HNRNPLL: variants seen among roughly 807,000 people sequenced by gnomAD.
The protein encoded by HNRNPLL is heterogeneous nuclear ribonucleoprotein L like, also known as heterogeneous nuclear ribonucleoprotein L-like.
A neutral mutation model predicts 67.1 loss-of-function variants in HNRNPLL; 25 were observed. The ratio of observed to expected loss-of-function variants is 0.37; its 90% CI spans 0.27 to 0.52. The LOEUF is 0.52. HNRNPLL is among the 20% of genes least tolerant of loss of function. HNRNPLL has a pLI of 0.90. For missense variants in HNRNPLL, 542 were observed against 673.9 expected (o/e 0.80, Z 2.17); for synonymous variants, 267 against 241.7 (o/e 1.10, Z -0.97).
chr2:38,595,406 C>T (rs1324432924), intron 1 of HNRNPLL, among the ~76,000 whole-genome samples: 1 of 150,924 alleles, frequency 6.6e-6, no homozygotes, highest in East Asian at 2.0e-4. Context: ...AAAAATATAA[C>T]TATTTTTCAA....
chr2:38,578,767 A>C (rs1369686052), intron 6 of HNRNPLL, among the ~76,000 whole-genome samples: 1 of 152,102 alleles, frequency 6.6e-6, no homozygotes, highest in Non-Finnish European at 1.5e-5. Flanking sequence ...ATGAATTTTT[A>C]TATTGTATAG....
At chr2:38,574,820 G>A (rs1403234643) in intron 7 of HNRNPLL, among the ~76,000 whole-genome samples, 3 of 151,780 alleles carry the variant, frequency 2.0e-5, no homozygotes, top group African/African-American at 7.2e-5. Flanking sequence ...CCATATGAGC[G>A]ACTGTTTAGT....
At position 38,562,814 on chromosome 2, in the gene HNRNPLL, T is replaced by C. The variant is rs931017728; in HGVS notation, c.*1368A>G. 1.3e-5 allele frequency: 2 copies of C among 152,152 alleles called. No individual in the cohort carries two copies. Among genetic ancestry groups the C allele is most frequent in the African/African-American group, 4.8e-5 (2 of 41,474 alleles). 9.4% of individuals were successfully genotyped at this position (152,152 alleles called of 1,614,324 possible). The stretch of plus-strand genomic sequence containing the variant: ...TGTTAATGTGTGTTTAGTTTCCATC[T>C]AAACTTCCTATTAAACAGCTCTAAA... On this transcript the variant is annotated 3_prime_UTR_variant, in exon 13 of 13. Transcript: ENST00000449105.
Position 38,588,869 on chromosome 2 carries a change from C to T in HNRNPLL, c.308+2661G>A, listed in dbSNP as rs553788529. ...AAAATAAAGAAAAAAGGTATTAATA[C>T]GAGAAACAGTGGGAGATCACAGAGA... is the stretch of plus-strand genomic sequence containing the variant. On this transcript the variant is annotated intron_variant, in intron 2 of 12. Transcript: ENST00000449105. Among the ~76,000 whole-genome samples, 7 of 151,916 alleles carry T rather than the reference C, an allele frequency of 4.6e-5. No individual in the cohort carries two copies. The South Asian group carries it at 1.2e-3, about 27-fold the overall frequency.
intron 1 of HNRNPLL, among the ~76,000 whole-genome samples, chr2:38,599,705 CTAAGT>C (rs1214504604): frequency 1.3e-5 from 2 of 152,188 alleles, no homozygotes; most frequent in Non-Finnish European, 2.9e-5. Flanking sequence ...CCATTCATTT[CTAAGT>C]TAAGAGCCTT....
chr2:38,577,624 T>C (rs764678463), intron 6 of HNRNPLL, 92 bp from the exon 7 acceptor site: 2 of 761,406 alleles, frequency 2.6e-6, no homozygotes, highest in Non-Finnish European at 4.7e-6. Flanking sequence ...AAACATCCAA[T>C]ACAACAATTC....
Position 38,602,796 on chromosome 2 carries a change from C to G in HNRNPLL, c.-170G>C, listed in dbSNP as rs1219244135. On this transcript the variant is annotated 5_prime_UTR_variant, in exon 1 of 13. Coordinates refer to ENST00000449105, the MANE Select transcript of HNRNPLL (RefSeq NM_138394.4). Reference sequence around the variant, plus strand: ...CCAGGAGACTGGCGGCTGAGAAGCGCGGACGGACTGAGGGGGGCGCCCCGG... The same window carrying G: ...CCAGGAGACTGGCGGCTGAGAAGCGGGGACGGACTGAGGGGGGCGCCCCGG... 1 of 1,538,520 alleles carries G rather than the reference C, an allele frequency of 6.5e-7. No homozygotes were observed. Among genetic ancestry groups the G allele is most frequent in the African/African-American group, 1.4e-5 (1 of 71,142 alleles).
intron 4 of HNRNPLL, among the ~76,000 whole-genome samples, chr2:38,582,571 A>G (rs1666573449): frequency 6.6e-6 from 1 of 152,072 alleles, no homozygotes; most frequent in Non-Finnish European, 1.5e-5. Flanking sequence ...CGGCCTCCCA[A>G]AGTGCTGGGA....
chr2:38,563,202 G>T lies in HNRNPLL; in HGVS notation c.*980C>A, dbSNP rs1665726147. 1 of 151,796 alleles carries T rather than the reference G, an allele frequency of 6.6e-6. No homozygotes were observed. Among genetic ancestry groups the T allele is most frequent in the African/African-American group, 2.4e-5 (1 of 41,386 alleles). 9.4% of individuals were successfully genotyped at this position (151,796 alleles called of 1,614,324 possible). A position where few individuals can be genotyped will look rare whatever the true frequency, so the allele number is the denominator to read the frequency against. The stretch of plus-strand genomic sequence containing the variant: ...AAACAGATCCAGTGGGAGAAAGAAT[G>T]TTTAATAAATGGTATTGAGACAAAT... On this transcript the variant is annotated 3_prime_UTR_variant, in exon 13 of 13. Coordinates refer to ENST00000449105, the MANE Select transcript of HNRNPLL (RefSeq NM_138394.4).
At chr2:38,583,984 T>C in intron 3 of HNRNPLL, 58 bp from the exon 4 acceptor site, 2 of 698,856 alleles carry the variant, frequency 2.9e-6, no homozygotes, top group South Asian at 4.4e-5. Context: ...ACATTAAAGC[T>C]ATACTTCGTT....
At chr2:38,588,283 C>T (rs768815170) in intron 2 of HNRNPLL, among the ~76,000 whole-genome samples, 2 of 152,150 alleles carry the variant, frequency 1.3e-5, no homozygotes, top group Admixed American at 6.6e-5. Context: ...GGCACGGTGG[C>T]TCATGCCTGT....
intron 1 of HNRNPLL, among the ~76,000 whole-genome samples, chr2:38,596,954 A>G (rs1192246920): frequency 1.3e-5 from 2 of 152,256 alleles, no homozygotes; most frequent in African/African-American, 4.8e-5. Context: ...GCTCTAGACC[A>G]GTCTACTTAC....
At chr2:38,593,180 A>G (rs1462506829) in intron 1 of HNRNPLL, among the ~76,000 whole-genome samples, 2 of 152,210 alleles carry the variant, frequency 1.3e-5, no homozygotes, top group Non-Finnish European at 2.9e-5. Context: ...TATCCCTTAC[A>G]TGCCACTAAG....
At chr2:38,592,561 T>C (rs1171958298) in intron 1 of HNRNPLL, among the ~76,000 whole-genome samples, 2 of 152,252 alleles carry the variant, frequency 1.3e-5, no homozygotes, top group Non-Finnish European at 2.9e-5. Context: ...CAAGCCCTCC[T>C]GGGCATCTAC....
At chr2:38,583,953 T>G in intron 3 of HNRNPLL, 27 bp from the exon 4 acceptor site, 1 of 1,059,690 alleles carries the variant, frequency 9.4e-7, no homozygotes, top group Non-Finnish European at 1.4e-6. Context: ...AAAGATTTCT[T>G]CACACTTTAC....
At chr2:38,601,342 TC>T (rs1667422798) in intron 1 of HNRNPLL, among the ~76,000 whole-genome samples, 1 of 152,252 alleles carries the variant, frequency 6.6e-6, no homozygotes, top group South Asian at 2.1e-4. Context: ...ATAAAGGGCT[TC>T]TAATGTGCGT....
intron 12 of HNRNPLL, among the ~76,000 whole-genome samples, chr2:38,566,573 G>C (rs1240667209): frequency 6.6e-6 from 1 of 151,796 alleles, no homozygotes; most frequent in Non-Finnish European, 1.5e-5. Context: ...CATATATCAC[G>C]GTTGGTAACG....
In HNRNPLL at chr2:38,569,260, A is replaced by T; in HGVS notation, c.1289T>A (p.Phe430Tyr). ...AAAGCGATTATTTTTGCTCATTGCA[A>T]AATCTTTGTAGCTGCTGGTACCATC... ...LEDGTSSYKD[F>Y]AMSKNNRFTS... The change falls in exon 10 of 13, where the codon TTT becomes TAT. Residue 430 changes from phenylalanine (F) to tyrosine (Y), a missense_variant. By Grantham distance (22) the Phe-to-Tyr change is conservative. Around this residue, in one of 2 missense-constraint regions of HNRNPLL, gnomAD observed 415 missense variants for 575.2 expected, o/e 0.72. Coordinates refer to ENST00000449105, the MANE Select transcript of HNRNPLL (RefSeq NM_138394.4). 1 of 1,613,524 alleles carries T rather than the reference A, an allele frequency of 6.2e-7. No individual in the cohort carries two copies. Among genetic ancestry groups the T allele is most frequent in the Non-Finnish European group, 8.5e-7 (1 of 1,179,614 alleles).
In HNRNPLL at chr2:38,591,657, A is replaced by G; in HGVS notation, c.190-9T>C. 1.3e-6 allele frequency: 2 copies of G among 1,585,096 alleles called. No individual in the cohort carries two copies. The highest frequency in any genetic ancestry group is 1.7e-6 in the Non-Finnish European group (2 of 1,154,024). ...TGACTTCCACCTGCCTCCTAGCAAG[A>G]GAAAATAATTTCTAGTTAAAAAAAT... On this transcript the variant is annotated splice_polypyrimidine_tract_variant and intron_variant, in intron 1 of 12. Coordinates refer to ENST00000449105, the MANE Select transcript of HNRNPLL (RefSeq NM_138394.4).
Sources: gnomAD v4.1 joint callset for allele counts (sites outside exome capture counted in the v4.1 genomes callset) on GRCh38, gnomAD v4.1.1 for gene constraint, gnomAD v4.1.1 regional missense constraint, MANE v1.5 for transcripts, NCBI Gene and HGNC (gene_info 2026-07-23, HGNC 2026-07-21) for gene names.